UBL3: variants seen among roughly 807,000 people sequenced by gnomAD.
UBL3 encodes the protein ubiquitin-like protein 3.
A neutral mutation model predicts 18.4 loss-of-function variants in UBL3; 6 were observed. That is an observed-to-expected ratio of 0.33 (90% CI 0.18 to 0.64). The LOEUF (loss-of-function observed/expected upper bound fraction) is 0.64. Among genes scored for constraint, UBL3 ranks in the 30% least tolerant of loss-of-function variants. The probability of loss-of-function intolerance (pLI) is 0.76; values close to 1 mark genes in which losing one functional copy is unlikely to be tolerated. For missense variants in UBL3, 109 were observed against 142.9 expected (o/e 0.76, Z 1.21); for synonymous variants, 49 against 46.6 (o/e 1.05, Z -0.21).
At chr13:29,825,309 C>T (rs561335175) in intron 1 of UBL3, among the ~76,000 whole-genome samples, 38 of 152,252 alleles carry the variant, frequency 2.5e-4, no homozygotes, top group African/African-American at 9.1e-4. Context: ...GCCATTTTCA[C>T]GATATTGATT....
At chr13:29,791,355 T>C (rs577932516) in intron 1 of UBL3, among the ~76,000 whole-genome samples, 157 of 152,332 alleles carry the variant, frequency 1.0e-3, no homozygotes, top group African/African-American at 3.6e-3. Context: ...CACAGTACTT[T>C]CTATGAGGTA....
chr13:29,778,185 G>C (rs936805475), intron 1 of UBL3, among the ~76,000 whole-genome samples: 1 of 152,062 alleles, frequency 6.6e-6, no homozygotes, highest in Non-Finnish European at 1.5e-5. Flanking sequence ...AGGACACATG[G>C]GACAAAGGAT....
chr13:29,771,359 A>T (rs935614869), intron 3 of UBL3, among the ~76,000 whole-genome samples: 4 of 152,066 alleles, frequency 2.6e-5, no homozygotes, highest in Non-Finnish European at 5.9e-5. Context: ...AATATACCCC[A>T]TAAGGGGGCA....
chr13:29,822,213 T>C (rs1460963107), intron 1 of UBL3, among the ~76,000 whole-genome samples: 2 of 152,228 alleles, frequency 1.3e-5, no homozygotes, highest in East Asian at 1.9e-4. Context: ...CATTTACTTT[T>C]AGCTGGTGAA....
At chr13:29,849,479 T>C (rs781413070) in intron 1 of UBL3, 33 bp downstream of exon 1, 1 of 1,614,018 alleles carries the variant, frequency 6.2e-7, no homozygotes, top group South Asian at 1.1e-5. Flanking sequence ...GAAACCACAA[T>C]TAAATCAGTG....
At chr13:29,830,410 G>A (rs768863893) in intron 1 of UBL3, among the ~76,000 whole-genome samples, 57 of 152,176 alleles carry the variant, frequency 3.7e-4, no homozygotes, top group African/African-American at 1.2e-3. Flanking sequence ...CTGCCTGTTC[G>A]AAGTCCCAAA....
At chr13:29,845,407 A>C (rs1404820644) in intron 1 of UBL3, among the ~76,000 whole-genome samples, 1 of 152,100 alleles carries the variant, frequency 6.6e-6, no homozygotes, top group African/African-American at 2.4e-5. Flanking sequence ...ACCTGAAATA[A>C]GAATCATCAG....
At chr13:29,828,808 A>G (rs540348191) in intron 1 of UBL3, among the ~76,000 whole-genome samples, 22 of 152,154 alleles carry the variant, frequency 1.4e-4, no homozygotes, top group African/African-American at 5.3e-4. Flanking sequence ...TTGTGGTTTT[A>G]TCTACCTTTG....
chr13:29,789,594 G>C (rs1877430624), intron 1 of UBL3, among the ~76,000 whole-genome samples: 1 of 152,222 alleles, frequency 6.6e-6, no homozygotes, highest in African/African-American at 2.4e-5. Flanking sequence ...ATCAAACACA[G>C]TTGCTAGCTC....
At chr13:29,835,141 T>A (rs190224049) in intron 1 of UBL3, among the ~76,000 whole-genome samples, 120 of 10,970 alleles carry the variant, frequency 0.011, 4 homozygotes, top group Non-Finnish European at 0.013. Flanking sequence ...TATATATATA[T>A]ATATATATAT....
chr13:29,794,282 A>G (rs964129427), intron 1 of UBL3, among the ~76,000 whole-genome samples: 2 of 152,144 alleles, frequency 1.3e-5, no homozygotes, highest in African/African-American at 4.8e-5. Context: ...TTTCTTAAGG[A>G]ATAAAATTAC....
rs1451074988 is a variant in UBL3, at chr13:29,850,145, G to A, written c.-607C>T. 10 of 152,344 alleles carry A rather than the reference G, an allele frequency of 6.6e-5. No homozygotes were observed. The highest frequency in any genetic ancestry group is 4.6e-4 in the Admixed American group (7 of 15,282). 9.4% of individuals were successfully genotyped at this position (152,344 alleles called of 1,614,324 possible). A position where few individuals can be genotyped will look rare whatever the true frequency, so the allele number is the denominator to read the frequency against. ...ACTCGCGCCGCGGGGGCGAAGAGCCGGGCCGCGGAAACCCGCGCTCAAGGG... is the reference window on the plus strand; with the variant it reads ...ACTCGCGCCGCGGGGGCGAAGAGCCAGGCCGCGGAAACCCGCGCTCAAGGG... On this transcript the variant is annotated 5_prime_UTR_variant, in exon 1 of 5. Coordinates refer to ENST00000380680, the MANE Select transcript of UBL3 (RefSeq NM_007106.4).
At chr13:29,837,583 T>C (rs1013482499) in intron 1 of UBL3, among the ~76,000 whole-genome samples, 1 of 152,116 alleles carries the variant, frequency 6.6e-6, no homozygotes, top group Non-Finnish European at 1.5e-5. Context: ...GAATATTAGC[T>C]AATTCCCGGG....
chr13:29,849,602 T>G lies in UBL3; in HGVS notation c.-64A>C. 1 of 1,595,174 alleles carries G rather than the reference T, an allele frequency of 6.3e-7. No homozygotes were observed. Among genetic ancestry groups the G allele is most frequent in the Non-Finnish European group, 8.6e-7 (1 of 1,167,266 alleles). On this transcript the variant is annotated 5_prime_UTR_variant, in exon 1 of 5. Coordinates refer to ENST00000380680, the MANE Select transcript of UBL3 (RefSeq NM_007106.4). Reference sequence around the variant, plus strand: ...ACAAACAAAGAAAAAAGAGCAGAAGTCTTCACGTTACAGAAATAAACCACG... The same window carrying G: ...ACAAACAAAGAAAAAAGAGCAGAAGGCTTCACGTTACAGAAATAAACCACG...
At chr13:29,783,157 T>C (rs1295463543) in intron 1 of UBL3, among the ~76,000 whole-genome samples, 2 of 152,224 alleles carry the variant, frequency 1.3e-5, no homozygotes, top group Non-Finnish European at 2.9e-5. Context: ...ATGCAGATAG[T>C]TCAAATGCGT....
intron 1 of UBL3, among the ~76,000 whole-genome samples, chr13:29,789,708 TATGTTGGGCATA>T (rs1255201382): frequency 6.6e-6 from 1 of 152,256 alleles, no homozygotes; most frequent in Non-Finnish European, 1.5e-5. Flanking sequence ...TTTTTTCAAA[TATGTTGGGCATA>T]ATGTATTGAT....
chr13:29,771,969 G>A (rs1249268107), intron 3 of UBL3, 143 bp downstream of exon 3: 5 of 664,682 alleles, frequency 7.5e-6, no homozygotes, highest in Non-Finnish European at 1.0e-5. Context: ...CAATGTGAAG[G>A]AGTAGGCATA....
At chr13:29,813,233 G>C (rs1330882540) in intron 1 of UBL3, among the ~76,000 whole-genome samples, 1 of 151,976 alleles carries the variant, frequency 6.6e-6, no homozygotes, top group African/African-American at 2.4e-5. Flanking sequence ...GCCTTGCTGA[G>C]AGCCAAATTA....
intron 1 of UBL3, among the ~76,000 whole-genome samples, chr13:29,796,651 G>A (rs1478826438): frequency 6.6e-6 from 1 of 152,142 alleles, no homozygotes; most frequent in Non-Finnish European, 1.5e-5. Context: ...ATGAAAAGAT[G>A]CTCAGCATGA....
Sources: gnomAD v4.1 joint callset for allele counts (sites outside exome capture counted in the v4.1 genomes callset) on GRCh38, gnomAD v4.1.1 for gene constraint, MANE v1.5 for transcripts, NCBI Gene and HGNC (gene_info 2026-07-23, HGNC 2026-07-21) for gene names.